Variants in CPA6 observed in about 807,000 individuals in gnomAD.
CPA6 encodes carboxypeptidase B.
In CPA6, 58 loss-of-function variants were observed where a neutral mutation model predicts 63.3. The ratio of observed to expected loss-of-function variants is 0.92; its 90% CI spans 0.74 to 1.14. The LOEUF (loss-of-function observed/expected upper bound fraction) is 1.14. Ranked by LOEUF, CPA6 falls within the 50% of genes most tolerant of loss-of-function variation. The pLI is 0.00. For synonymous variants in CPA6, 185 were observed against 179.0 expected, an observed-to-expected ratio of 1.03 and a Z score of -0.27; for missense variants, 565 against 526.6, an observed-to-expected ratio of 1.07 and a Z score of -0.71.
intron 1 of CPA6, among the ~76,000 whole-genome samples, chr8:67,644,409 T>G (rs563380663): frequency 6.6e-6 from 1 of 152,194 alleles, no homozygotes; most frequent in Admixed American, 6.5e-5. Context: ...TGAGCCACCA[T>G]GCCCGGCCAT....
At chr8:67,471,512 G>GT (rs898178161) in intron 8 of CPA6, among the ~76,000 whole-genome samples, 41 of 150,322 alleles carry the variant, frequency 2.7e-4, no homozygotes, top group East Asian at 1.4e-3. Context: ...CATTAGTGTT[G>GT]TTTTTTTTTG....
intron 1 of CPA6, among the ~76,000 whole-genome samples, chr8:67,741,879 A>AC (rs975903890): frequency 5.6e-5 from 8 of 143,186 alleles, no homozygotes; most frequent in Admixed American, 4.8e-4. Flanking sequence ...TTCTGAAACC[A>AC]CCCCCGCCAC....
chr8:67,546,303 G>A (rs1812817790), intron 2 of CPA6, among the ~76,000 whole-genome samples: 2 of 152,184 alleles, frequency 1.3e-5, no homozygotes, highest in South Asian at 4.1e-4. Context: ...TGCTCAGTGA[G>A]TTTTATGAAA....
intron 6 of CPA6, among the ~76,000 whole-genome samples, chr8:67,499,114 T>G (rs1207840336): frequency 1.3e-5 from 2 of 152,222 alleles, no homozygotes; most frequent in African/African-American, 4.8e-5. Flanking sequence ...CACTGTTTTC[T>G]GAGCTTTGTG....
chr8:67,441,985 T>C (rs1810304940), intron 8 of CPA6, among the ~76,000 whole-genome samples: 1 of 152,172 alleles, frequency 6.6e-6, no homozygotes, highest in South Asian at 2.1e-4. Context: ...GGACTTTATG[T>C]ATGTTTGGTC....
intron 1 of CPA6, among the ~76,000 whole-genome samples, chr8:67,726,699 T>A (rs1182121293): frequency 6.6e-6 from 1 of 152,240 alleles, no homozygotes; most frequent in African/African-American, 2.4e-5. Context: ...ATCCATTTAC[T>A]TAAATGCATA....
At chr8:67,597,446 G>A (rs1415744480) in intron 2 of CPA6, among the ~76,000 whole-genome samples, 2 of 151,902 alleles carry the variant, frequency 1.3e-5, no homozygotes, top group Non-Finnish European at 1.5e-5. Context: ...TGCCTGCCTC[G>A]GCCTCCTAAA....
intron 1 of CPA6, among the ~76,000 whole-genome samples, chr8:67,665,039 C>A (rs1587684749): frequency 6.6e-6 from 1 of 152,198 alleles, no homozygotes; most frequent in East Asian, 1.9e-4. Context: ...AACTTTTCTT[C>A]TTACTTCTGA....
Position 67,710,160 on chromosome 8 carries a change from C to T in CPA6, c.116+35854G>A, listed in dbSNP as rs1406370996. 8.6e-5 allele frequency among the ~76,000 whole-genome samples: 13 copies of T among 151,994 alleles called. No homozygotes were observed. The South Asian group carries it at 2.7e-3, about 32-fold the overall frequency. ...TTGGAAATTTGTTAAAAGAATTAAG[C>T]TTTGTCTAAAAACTTGAAATCAGTA... On this transcript the variant is annotated intron_variant, in intron 1 of 10. Transcript: ENST00000297770.
In CPA6 at chr8:67,496,569, T is replaced by A. The variant is rs1421567182; in HGVS notation, c.636+10218A>T. 6.4e-5 allele frequency among the ~76,000 whole-genome samples: 9 copies of A among 141,678 alleles called. No homozygotes were observed. The East Asian group carries it at 8.0e-4, about 13-fold the overall frequency. The allele number at this position is 141,678 out of a possible 152,430, so 92.9% of individuals were successfully genotyped here. A position where few individuals can be genotyped will look rare whatever the true frequency, so the allele number is the denominator to read the frequency against. ...TATATATATATATATTTATTTTATT[T>A]TTTTTTTTTGAGATGGAGTGTCTCT... On this transcript the variant is annotated intron_variant, in intron 6 of 10. Coordinates refer to ENST00000297770, the MANE Select transcript of CPA6 (RefSeq NM_020361.5).
chr8:67,503,015 T>C (rs187822974), intron 6 of CPA6, among the ~76,000 whole-genome samples: 1 of 152,226 alleles, frequency 6.6e-6, no homozygotes, highest in African/African-American at 2.4e-5. Flanking sequence ...TTTATATCCT[T>C]GATTTTTTAA....
At chr8:67,558,648 A>C (rs1813124854) in intron 2 of CPA6, among the ~76,000 whole-genome samples, 1 of 152,234 alleles carries the variant, frequency 6.6e-6, no homozygotes, top group African/African-American at 2.4e-5. Context: ...TCATCTGGGG[A>C]AAAGGGTTTG....
At chr8:67,538,868 C>T (rs1421007176) in intron 2 of CPA6, among the ~76,000 whole-genome samples, 3 of 152,090 alleles carry the variant, frequency 2.0e-5, no homozygotes, top group African/African-American at 7.2e-5. Context: ...ACCGTGTTAG[C>T]CAGGATGGTC....
At chr8:67,694,800 T>C (rs760922499) in intron 1 of CPA6, among the ~76,000 whole-genome samples, 2 of 152,186 alleles carry the variant, frequency 1.3e-5, no homozygotes, top group African/African-American at 2.4e-5. Context: ...AAGACAGTAG[T>C]GAAGGAAAAT....
chr8:67,686,185 C>A (rs1363517863), intron 1 of CPA6, among the ~76,000 whole-genome samples: 1 of 152,212 alleles, frequency 6.6e-6, no homozygotes, highest in Non-Finnish European at 1.5e-5. Flanking sequence ...GAGTAACACA[C>A]AATCTCTTTG....
At chr8:67,471,512 G>T (rs1372920630) in intron 8 of CPA6, among the ~76,000 whole-genome samples, 2 of 150,216 alleles carry the variant, frequency 1.3e-5, no homozygotes, top group Admixed American at 6.7e-5. Flanking sequence ...CATTAGTGTT[G>T]TTTTTTTTTG....
intron 8 of CPA6, among the ~76,000 whole-genome samples, chr8:67,471,171 A>G (rs1313290571): frequency 6.6e-6 from 1 of 151,970 alleles, no homozygotes; most frequent in Non-Finnish European, 1.5e-5. Flanking sequence ...GATTCTCCCA[A>G]TGCGGGCCTT....
intron 9 of CPA6, among the ~76,000 whole-genome samples, chr8:67,428,776 C>T (rs1044688293): frequency 3.3e-5 from 5 of 152,196 alleles, no homozygotes; most frequent in Admixed American, 1.3e-4. Context: ...AGTCACCGCA[C>T]CCGGCCAGGG....
At chr8:67,647,871 C>A (rs1178180126) in intron 1 of CPA6, among the ~76,000 whole-genome samples, 1 of 152,104 alleles carries the variant, frequency 6.6e-6, no homozygotes, top group East Asian at 1.9e-4. Context: ...CTGAATCCCC[C>A]TAAAAATCAT....
Sources: gnomAD v4.1 joint callset for allele counts (sites outside exome capture counted in the v4.1 genomes callset) on GRCh38, gnomAD v4.1.1 for gene constraint, MANE v1.5 for transcripts, NCBI Gene and HGNC (gene_info 2026-07-23, HGNC 2026-07-21) for gene names.